The following PCDHGA10 variants were observed in gnomAD, a reference collection of about 807,000 sequenced individuals.
PCDHGA10 encodes protocadherin gamma-A10.
A neutral mutation model predicts 59.5 loss-of-function variants in PCDHGA10; 42 were observed. The ratio of observed to expected loss-of-function variants is 0.71; its 90% CI spans 0.55 to 0.91. PCDHGA10 has a LOEUF of 0.91. Ranked by LOEUF, PCDHGA10 falls within the 40% of genes least tolerant of loss-of-function variation. The pLI is 0.00. For synonymous variants in PCDHGA10, 511 were observed against 517.2 expected (o/e 0.99, Z 0.16); for missense variants, 1,111 against 1,198.2 (o/e 0.93, Z 1.07).
intron 1 of PCDHGA10, chr5:141,441,667 A>C: frequency 3.7e-6 from 1 of 267,984 alleles, no homozygotes; most frequent in Non-Finnish European, 7.4e-6. Flanking sequence ...TTGAGCGCAC[A>C]GTGCGCCTTC....
At chr5:141,478,920 C>A (rs559060283) in intron 1 of PCDHGA10, 1 of 728,392 alleles carries the variant, frequency 1.4e-6, no homozygotes. Context: ...ATACCTCTAA[C>A]CAGTGGCAGC....
Position 141,438,902 on chromosome 5 carries a change from G to A in PCDHGA10, c.2436+23291G>A, listed in dbSNP as rs185216039. 2.0e-5 allele frequency among the ~76,000 whole-genome samples: 3 copies of A among 151,906 alleles called. No homozygotes were observed. The East Asian group carries it at 5.8e-4, about 29-fold the overall frequency. On this transcript the variant is annotated intron_variant, in intron 1 of 3. Coordinates refer to ENST00000398610, the MANE Select transcript of PCDHGA10 (RefSeq NM_018913.3). ...GCTGCTCTTGAACTCCTGACCTCAGGTGATCCACCTGCCTTGGCCTCCCAA... is the reference window on the plus strand; with the variant it reads ...GCTGCTCTTGAACTCCTGACCTCAGATGATCCACCTGCCTTGGCCTCCCAA...
At chr5:141,440,859 T>C (rs1272611201) in intron 1 of PCDHGA10, 1 of 152,076 alleles carries the variant, frequency 6.6e-6, no homozygotes, top group Non-Finnish European at 1.5e-5. Context: ...CCTGTGTTCA[T>C]CTAGGATGTG....
Position 141,486,494 on chromosome 5 carries a change from A to G in PCDHGA10, c.2437-8313A>G, listed in dbSNP as rs375607204. 9.3e-6 allele frequency: 15 copies of G among 1,614,058 alleles called. No individual in the cohort carries two copies. The highest frequency in any genetic ancestry group is 1.3e-5 in the Non-Finnish European group (15 of 1,179,958). ...CCCTCCTCTCAGTACCCACAGAACT[A>G]TTTTCCTCAATATTTCAGATGTGAA... On this transcript the variant is annotated intron_variant, in intron 1 of 3. Transcript: ENST00000398610. The surrounding 1 kb of genome is among the most constrained non-coding windows in gnomAD (Gnocchi z 5.0).
At chr5:141,455,686 G>A (rs1282071031) in intron 1 of PCDHGA10, among the ~76,000 whole-genome samples, 1 of 152,094 alleles carries the variant, frequency 6.6e-6, no homozygotes. Context: ...AAGGCTGTGG[G>A]AATCGCCAAG....
At position 141,416,146 on chromosome 5, in the gene PCDHGA10, G is replaced by T. The variant is rs114133295; in HGVS notation, c.2436+535G>T. 4.2e-3 allele frequency: 636 copies of T among 153,236 alleles called. 7 individuals carry two copies. Among genetic ancestry groups the T allele is most frequent in the South Asian group, 0.03 (145 of 4,832 alleles). 9.5% of individuals were successfully genotyped at this position (153,236 alleles called of 1,614,324 possible). Reference sequence around the variant, plus strand: ...TATATTTTTCAATCTATACTTTGTGGTGATAGTTGCAGTTGAATATACTAA... The same window carrying T: ...TATATTTTTCAATCTATACTTTGTGTTGATAGTTGCAGTTGAATATACTAA... On this transcript the variant is annotated intron_variant, in intron 1 of 3. Transcript: ENST00000398610.
At chr5:141,426,015 T>G (rs1168777347) in intron 1 of PCDHGA10, among the ~76,000 whole-genome samples, 3 of 152,200 alleles carry the variant, frequency 2.0e-5, no homozygotes, top group African/African-American at 7.2e-5. Flanking sequence ...GGCTGCAGTT[T>G]TCTAAATAGA....
chr5:141,481,503 G>A (rs1006282101), intron 1 of PCDHGA10, among the ~76,000 whole-genome samples: 3 of 152,236 alleles, frequency 2.0e-5, no homozygotes, highest in African/African-American at 7.2e-5. Context: ...TGCATGGTAT[G>A]TGAATTATGT....
chr5:141,418,360 G>T (rs544948410), intron 1 of PCDHGA10: 4 of 1,613,990 alleles, frequency 2.5e-6, no homozygotes, highest in Non-Finnish European at 3.4e-6. Flanking sequence ...TGAATTCGCT[G>T]AGCAAATACC....
intron 1 of PCDHGA10, chr5:141,418,060 A>G (rs2096216821): frequency 1.2e-6 from 2 of 1,613,850 alleles, no homozygotes; most frequent in Admixed American, 1.7e-5. Flanking sequence ...GCGAGCTGCG[A>G]GTGAGCGCGG....
chr5:141,415,761 T>TG (rs1485369884), intron 1 of PCDHGA10, 150 bp downstream of exon 1: 1 of 1,399,490 alleles, frequency 7.1e-7, no homozygotes, highest in Non-Finnish European at 9.3e-7. Flanking sequence ...TTTTTTTTTT[T>TG]TTTTTTTTTT....
chr5:141,506,444 CAAAAA>C (rs1219684339), intron 3 of PCDHGA10, among the ~76,000 whole-genome samples: 4 of 95,024 alleles, frequency 4.2e-5, no homozygotes, highest in Admixed American at 1.1e-4. Flanking sequence ...CGCTCTGTCT[CAAAAA>C]AAAAAAAAAA....
intron 1 of PCDHGA10, chr5:141,428,587 G>T: frequency 4.4e-6 from 1 of 226,768 alleles, no homozygotes; most frequent in Non-Finnish European, 8.9e-6. Context: ...AGTTTCTCTG[G>T]TAGCAAGCTT....
Position 141,419,080 on chromosome 5 carries a change from T to G in PCDHGA10, c.2436+3469T>G, listed in dbSNP as rs1286490083. The G allele has an allele frequency of 3.1e-6, 5 of 1,613,842 alleles. No individual in the cohort carries two copies. The South Asian group carries it at 5.5e-5, about 18-fold the overall frequency. On this transcript the variant is annotated intron_variant, in intron 1 of 3. Transcript: ENST00000398610. ...ATAATTACTACAAGCTAGTAACAGA[T>G]GAGGCCCTGGATCGGGAGCAGACCC... is the stretch of plus-strand genomic sequence containing the variant.
In PCDHGA10 at chr5:141,512,839, C is replaced by T. The variant is rs141207714; in HGVS notation, c.*1666C>T. ...GACCCCCTCCCCCGTACTGACTTCTCCTATAAGCGCTTCTCTTCGCATAGT... is the reference window on the plus strand; with the variant it reads ...GACCCCCTCCCCCGTACTGACTTCTTCTATAAGCGCTTCTCTTCGCATAGT... On this transcript the variant is annotated 3_prime_UTR_variant, in exon 4 of 4. Transcript: ENST00000398610. 278 of 152,216 alleles carry T rather than the reference C, an allele frequency of 1.8e-3. 2 individuals are homozygous for T. Among genetic ancestry groups the T allele is most frequent in the Middle Eastern group, 0.01 (3 of 292 alleles). 9.4% of individuals were successfully genotyped at this position (152,216 alleles called of 1,614,324 possible). A position where few individuals can be genotyped will look rare whatever the true frequency, so the allele number is the denominator to read the frequency against.
intron 1 of PCDHGA10, chr5:141,421,280 G>A (rs564480755): frequency 1.2e-6 from 2 of 1,612,948 alleles, no homozygotes; most frequent in South Asian, 2.2e-5. Context: ...CTGCTGCTGT[G>A]CATTTTCCTG....
At position 141,489,125 on chromosome 5, in the gene PCDHGA10, G is replaced by T. The variant is rs537146985; in HGVS notation, c.2437-5682G>T. 1.1e-4 allele frequency: 77 copies of T among 728,124 alleles called. No individual in the cohort carries two copies. The East Asian group carries it at 1.9e-3, about 18-fold the overall frequency. 45.1% of individuals were successfully genotyped at this position (728,124 alleles called of 1,614,324 possible). A position where few individuals can be genotyped will look rare whatever the true frequency, so the allele number is the denominator to read the frequency against. ...CTGCAAGCAGGCAAACCTCCGAGCAGTTTTTAAGAGGCTGGAAGGAGACAT... is the reference window on the plus strand; with the variant it reads ...CTGCAAGCAGGCAAACCTCCGAGCATTTTTTAAGAGGCTGGAAGGAGACAT... On this transcript the variant is annotated intron_variant, in intron 1 of 3. Coordinates refer to ENST00000398610, the MANE Select transcript of PCDHGA10 (RefSeq NM_018913.3). The surrounding 1 kb of genome is among the most constrained non-coding windows in gnomAD (Gnocchi z 4.5).
chr5:141,507,937 A>T (rs2154594220), intron 3 of PCDHGA10: 1 of 152,420 alleles, frequency 6.6e-6, no homozygotes, highest in Admixed American at 6.5e-5. Context: ...AGAGGGGTTA[A>T]GTAAGAGGGA....
intron 1 of PCDHGA10, among the ~76,000 whole-genome samples, chr5:141,469,189 T>C (rs1393685141): frequency 2.6e-5 from 4 of 151,710 alleles, no homozygotes; most frequent in African/African-American, 9.7e-5. Flanking sequence ...GGCAAGAGGA[T>C]TGCTTGAGCC....
Sources: allele counts gnomAD v4.1 joint callset (sites outside exome capture counted in the v4.1 genomes callset), GRCh38; gene constraint gnomAD v4.1.1; non-coding constraint Gnocchi (gnomAD v3.1); transcripts MANE v1.5; gene names NCBI Gene and HGNC (gene_info 2026-07-23, HGNC 2026-07-21).